LYPD8: variants seen among roughly 807,000 people sequenced by gnomAD.
LYPD8 encodes ly6/PLAUR domain-containing protein 8.
LYPD8 carries 8 observed loss-of-function variants against 1.7 expected under a neutral mutation model. The ratio of observed to expected loss-of-function variants is 4.58; its 90% CI spans 2.69 to 8.27. The LOEUF is 8.27. Among genes scored for constraint, LYPD8 ranks in the 30% most tolerant of loss-of-function variants. The pLI is 0.00. For synonymous variants in LYPD8, 50 were observed against 43.6 expected, an observed-to-expected ratio of 1.15 and a Z score of -0.58; for missense variants, 112 against 102.3, an observed-to-expected ratio of 1.09 and a Z score of -0.41.
chr1:248,742,705 C>T (rs1332089250), intron 6 of LYPD8, among the ~76,000 whole-genome samples: 29 of 51,102 alleles, frequency 5.7e-4, no homozygotes, highest in East Asian at 2.8e-3. Context: ...ATGTTGGCAG[C>T]GGGGGAGATT....
rs1662903584 is a variant in LYPD8, at chr1:248,755,302, T to G, written c.-113A>C. ...CTAGGTACTTCCCACTGGCAAAGTT[T>G]TATTGCGGAATCTTTTCGACAGCCT... On this transcript the variant is annotated 5_prime_UTR_variant, in exon 2 of 7. An upstream open reading frame in the 5' UTR loses its in-frame stop. Transcript: ENST00000590317. 1 of 152,184 alleles carries G rather than the reference T, an allele frequency of 6.6e-6. No individual in the cohort carries two copies. Among genetic ancestry groups the G allele is most frequent in the Non-Finnish European group, 1.5e-5 (1 of 68,052 alleles). 9.4% of individuals were successfully genotyped at this position (152,184 alleles called of 1,614,324 possible).
chr1:248,739,813 G>T lies in LYPD8; in HGVS notation c.512C>A (p.Ser171Tyr). 1 of 1,551,714 alleles carries T rather than the reference G, an allele frequency of 6.4e-7. No individual in the cohort carries two copies. Among genetic ancestry groups the T allele is most frequent in the African/African-American group, 1.4e-5 (1 of 73,170 alleles). ...ESKSLVLKGC[S>Y]NVSNATCQFL... The stretch of plus-strand genomic sequence containing the variant: ...CTGACAGGTGGCGTTACTGACGTTG[G>T]AACAGCCTTTCAGCACGAGACTCTT... Residue 171 changes from serine (S) to tyrosine (Y), a missense_variant, in exon 7 of 7, where the codon TCC (serine) becomes TAC (tyrosine). Physicochemically the swap from Ser to Tyr is moderately radical, Grantham distance 144 (BLOSUM62 -2). Transcript: ENST00000590317. The surrounding 1 kb of genome is among the most constrained non-coding windows in gnomAD (Gnocchi z 4.3).
chr1:248,753,254 C>CAT (rs1662856562), intron 2 of LYPD8, among the ~76,000 whole-genome samples: 1 of 108,988 alleles, frequency 9.2e-6, no homozygotes, highest in African/African-American at 4.0e-5. Context: ...CCACACAACA[C>CAT]ACACCGCATC....
chr1:248,750,265 C>T (rs927380850), intron 4 of LYPD8, among the ~76,000 whole-genome samples: 13 of 149,182 alleles, frequency 8.7e-5, no homozygotes, highest in Non-Finnish European at 1.6e-4. Context: ...CACTGACATG[C>T]GTCTCGAATG....
chr1:248,750,972 C>T, intron 3 of LYPD8, 58 bp downstream of exon 3: 1 of 398,662 alleles, frequency 2.5e-6, no homozygotes, highest in Non-Finnish European at 4.4e-6. Flanking sequence ...CAAGAAGACA[C>T]TGGTGAGGTG....
Position 248,741,101 on chromosome 1 carries a change from G to A in LYPD8, c.476-1252C>T, listed in dbSNP as rs782797175. Among the ~76,000 whole-genome samples the A allele has an allele frequency of 2.6e-5, 4 of 151,482 alleles. 1 individual carries two copies. Among genetic ancestry groups the A allele is most frequent in the Admixed American group, 2.0e-4 (3 of 15,274 alleles). On this transcript the variant is annotated intron_variant, in intron 6 of 6. Transcript: ENST00000590317. The stretch of plus-strand genomic sequence containing the variant: ...TGCATTCCGGCCCGGGCGACAGAGC[G>A]AGACCCTGTCTTGAACAGCAACAAC...
chr1:248,752,844 C>A (rs1208149873), intron 2 of LYPD8, among the ~76,000 whole-genome samples: 40 of 79,808 alleles, frequency 5.0e-4, no homozygotes, highest in African/African-American at 2.3e-3. Context: ...ACACCCCACA[C>A]ACACACACCA....
At chr1:248,753,214 ACAC>A (rs1229616046) in intron 2 of LYPD8, among the ~76,000 whole-genome samples, 5 of 100,080 alleles carry the variant, frequency 5.0e-5, no homozygotes, top group African/African-American at 1.3e-4. Context: ...CACAACACAC[ACAC>A]CACACCACAC....
chr1:248,752,791 C>T lies in LYPD8; in HGVS notation c.-49-1661G>A, dbSNP rs1366139058. 2.0e-4 allele frequency among the ~76,000 whole-genome samples: 23 copies of T among 116,910 alleles called. 3 individuals are homozygous for T. The highest frequency in any genetic ancestry group is 8.8e-4 in the African/African-American group (23 of 26,006). The allele number at this position is 116,910 out of a possible 152,430, so 76.7% of individuals were successfully genotyped here. On this transcript the variant is annotated intron_variant, in intron 2 of 6. Coordinates refer to ENST00000590317, the MANE Select transcript of LYPD8 (RefSeq NM_001085474.2). ...CACCCCACACAACACACACCACACACACACCACACCCCACAACACACACAC... is the reference window on the plus strand; with the variant it reads ...CACCCCACACAACACACACCACACATACACCACACCCCACAACACACACAC...
At chr1:248,743,706 G>C (rs141780434) in intron 6 of LYPD8, among the ~76,000 whole-genome samples, 2 of 152,126 alleles carry the variant, frequency 1.3e-5, no homozygotes, top group Admixed American at 1.3e-4. Flanking sequence ...CTGTCTTACC[G>C]GGTCCTAGCC....
At chr1:248,752,998 AACACACC>A (rs1251822347) in intron 2 of LYPD8, among the ~76,000 whole-genome samples, 1 of 31,534 alleles carries the variant, frequency 3.2e-5, no homozygotes, top group Non-Finnish European at 6.9e-5. Flanking sequence ...CACACACACA[AACACACC>A]ACATCATACA....
chr1:248,741,301 G>T (rs1032877560), intron 6 of LYPD8, among the ~76,000 whole-genome samples: 3 of 152,186 alleles, frequency 2.0e-5, no homozygotes, highest in Admixed American at 6.5e-5. Flanking sequence ...CTGTCCCCCA[G>T]GTTCAAGTGA....
chr1:248,751,479 C>A (rs926377234), intron 2 of LYPD8, among the ~76,000 whole-genome samples: 1 of 152,056 alleles, frequency 6.6e-6, no homozygotes, highest in African/African-American at 2.4e-5. Flanking sequence ...GTGCCCCTCC[C>A]CTCCCCCAGA....
At chr1:248,752,807 A>AC (rs1662832720) in intron 2 of LYPD8, among the ~76,000 whole-genome samples, 1 of 56,364 alleles carries the variant, frequency 1.8e-5, no homozygotes, top group Non-Finnish European at 3.3e-5. Flanking sequence ...ACACCCCACA[A>AC]CACACACACA....
intron 5 of LYPD8, among the ~76,000 whole-genome samples, chr1:248,745,918 C>T (rs1050280055): frequency 6.6e-6 from 1 of 152,212 alleles, no homozygotes; most frequent in Admixed American, 6.5e-5. Flanking sequence ...TTATTTCACT[C>T]TCTTTCTCTT....
chr1:248,754,793 T>C (rs1196622254), intron 2 of LYPD8, among the ~76,000 whole-genome samples: 2 of 152,112 alleles, frequency 1.3e-5, no homozygotes, highest in African/African-American at 4.8e-5. Context: ...GGTCTGGAGC[T>C]TGTAGCAGAC....
chr1:248,751,349 T>C (rs1662798903), intron 2 of LYPD8, among the ~76,000 whole-genome samples: 1 of 152,308 alleles, frequency 6.6e-6, no homozygotes, highest in South Asian at 2.1e-4. Context: ...CACGCAGATA[T>C]GAAACACAGC....
intron 2 of LYPD8, among the ~76,000 whole-genome samples, chr1:248,753,120 CACA>C (rs1572156559): frequency 1.3e-4 from 13 of 99,976 alleles, no homozygotes; most frequent in East Asian, 1.1e-3. Flanking sequence ...ACACAACACA[CACA>C]ACACAACACA....
At chr1:248,750,671 T>C (rs1662785582) in intron 3 of LYPD8, 28 bp from the exon 4 acceptor site, 1 of 398,350 alleles carries the variant, frequency 2.5e-6, no homozygotes, top group African/African-American at 2.1e-5. Flanking sequence ...CCAACACCAG[T>C]CAACATTCAG....
Sources: allele counts gnomAD v4.1 joint callset (sites outside exome capture counted in the v4.1 genomes callset), GRCh38; gene constraint gnomAD v4.1.1; non-coding constraint Gnocchi (gnomAD v3.1); transcripts MANE v1.5; gene names NCBI Gene and HGNC (gene_info 2026-07-23, HGNC 2026-07-21).